ZNG1A: variants seen among roughly 807,000 people sequenced by gnomAD.
The protein encoded by ZNG1A is zinc-regulated GTPase metalloprotein activator 1A.
chr9:127,638 T>C, the ZNG1A span, among the ~76,000 whole-genome samples: 3 of 152,154 alleles, frequency 2.0e-5, no homozygotes, highest in Non-Finnish European at 1.5e-5. Context: ...TATTCTGCAA[T>C]TCTGTATCTT....
the ZNG1A span, chr9:154,861 T>C: frequency 7.6e-7 from 1 of 1,314,508 alleles, no homozygotes; most frequent in Non-Finnish European, 1.1e-6. Context: ...GATTAATACA[T>C]CAAAAGAGGA....
chr9:159,503 T>C, the ZNG1A span, among the ~76,000 whole-genome samples: 1 of 152,360 alleles, frequency 6.6e-6, no homozygotes, highest in East Asian at 1.9e-4. Flanking sequence ...TGTTTTATAA[T>C]GTAATTCACA....
At chr9:163,117 A>G in the ZNG1A span, among the ~76,000 whole-genome samples, 1 of 152,002 alleles carries the variant, frequency 6.6e-6, no homozygotes, top group East Asian at 1.9e-4. Flanking sequence ...GCCCAGCTTA[A>G]TAATTCTTAA....
At chr9:163,683 G>A in the ZNG1A span, among the ~76,000 whole-genome samples, 65 of 151,898 alleles carry the variant, frequency 4.3e-4, no homozygotes, top group African/African-American at 1.3e-3. Context: ...TTGGGAGGCC[G>A]AGGCTGGCGG....
the ZNG1A span, chr9:177,689 T>A: frequency 1.3e-5 from 18 of 1,343,262 alleles, no homozygotes; most frequent in Non-Finnish European, 1.7e-5. Context: ...CTCCTGAGCT[T>A]CAGATCATTT....
At chr9:167,817 AAGATACGCCAAAAGCT>A in the ZNG1A span, among the ~76,000 whole-genome samples, 1 of 143,804 alleles carries the variant, frequency 7.0e-6, no homozygotes, top group Non-Finnish European at 1.5e-5. Flanking sequence ...GTTGAAAGCC[AAGATACGCCAAAAGCT>A]AGGTCTCTTG....
the ZNG1A span, among the ~76,000 whole-genome samples, chr9:154,987 A>G: frequency 6.6e-6 from 1 of 152,196 alleles, no homozygotes; most frequent in East Asian, 1.9e-4. Flanking sequence ...TAATTTTTCA[A>G]TGTGGATGAA....
chr9:125,219 TATTTTTTTG>T, the ZNG1A span, among the ~76,000 whole-genome samples: 20 of 151,430 alleles, frequency 1.3e-4, no homozygotes, highest in East Asian at 1.4e-3. Context: ...CAACATCTAC[TATTTTTTTG>T]ATTTTTTTAT....
At chr9:174,242 A>G in the ZNG1A span, among the ~76,000 whole-genome samples, 1 of 151,870 alleles carries the variant, frequency 6.6e-6, no homozygotes, top group East Asian at 1.9e-4. Context: ...AATGCTTGTT[A>G]TCTATAAGAA....
At chr9:162,513 T>G in the ZNG1A span, 1 of 1,575,346 alleles carries the variant, frequency 6.3e-7, no homozygotes, top group South Asian at 1.1e-5. Flanking sequence ...AAAAGAATGT[T>G]TATTAATATT....
At chr9:166,446 T>A in the ZNG1A span, 1 of 152,112 alleles carries the variant, frequency 6.6e-6, no homozygotes, top group Non-Finnish European at 1.5e-5. Context: ...CATGTATGCA[T>A]ATGTATTACA....
chr9:168,934 T>G, the ZNG1A span, among the ~76,000 whole-genome samples: 5 of 152,266 alleles, frequency 3.3e-5, no homozygotes, highest in African/African-American at 1.2e-4. Flanking sequence ...AGAGCTGTGA[T>G]GGAGATGTAC....
At chr9:141,604 C>T in the ZNG1A span, among the ~76,000 whole-genome samples, 6 of 151,342 alleles carry the variant, frequency 4.0e-5, no homozygotes, top group African/African-American at 1.5e-4. Flanking sequence ...AATGTAAAGA[C>T]CATCCAAGCT....
At chr9:139,138 A>G in the ZNG1A span, among the ~76,000 whole-genome samples, 1 of 148,942 alleles carries the variant, frequency 6.7e-6, no homozygotes, top group Non-Finnish European at 1.5e-5. Flanking sequence ...CTAACAGAAA[A>G]AGGGATAAAG....
At chr9:147,106 A>C in the ZNG1A span, 1 of 150,368 alleles carries the variant, frequency 6.7e-6, no homozygotes, top group Non-Finnish European at 1.5e-5. Context: ...TGAACCCAGG[A>C]AGTGGAGGTT....
chr9:158,427 ATAT>A, the ZNG1A span, among the ~76,000 whole-genome samples: 2 of 151,256 alleles, frequency 1.3e-5, no homozygotes, highest in African/African-American at 2.5e-5. Context: ...ATTTTTCAAG[ATAT>A]TATATTATTG....
the ZNG1A span, among the ~76,000 whole-genome samples, chr9:165,585 GT>G: frequency 7.7e-6 from 1 of 130,488 alleles, no homozygotes; most frequent in Non-Finnish European, 1.6e-5. Context: ...GTCTGAAGAT[GT>G]TTTTGGTTGT....
the ZNG1A span, chr9:172,184 C>A: frequency 1.2e-6 from 2 of 1,610,100 alleles, no homozygotes; most frequent in Non-Finnish European, 1.7e-6. Context: ...TGGAGAATAC[C>A]AAAACATAAT....
chr9:155,850 A>G, the ZNG1A span, among the ~76,000 whole-genome samples: 1 of 150,474 alleles, frequency 6.6e-6, no homozygotes, highest in East Asian at 1.9e-4. Context: ...CATGCCTGTA[A>G]TCCCAGCACT....
Sources: allele counts gnomAD v4.1 joint callset (sites outside exome capture counted in the v4.1 genomes callset), GRCh38; gene constraint gnomAD v4.1.1; transcripts MANE v1.5; gene names NCBI Gene and HGNC (gene_info 2026-07-23, HGNC 2026-07-21).